The following GLRA1 variants were observed in gnomAD, a reference collection of about 807,000 sequenced individuals.
GLRA1 encodes glycine receptor alpha 1.
GLRA1 carries 37 observed loss-of-function variants against 48.3 expected under a neutral mutation model. The ratio of observed to expected loss-of-function variants is 0.77; its 90% confidence interval spans 0.59 to 1.01. GLRA1 has a LOEUF of 1.01. Among genes scored for constraint, GLRA1 ranks in the 50% least tolerant of loss-of-function variants. The pLI, the probability that GLRA1 is intolerant of heterozygous loss-of-function variation, is 0.00. For missense variants in GLRA1, 427 were observed against 571.0 expected (o/e 0.75, Z 2.57); for synonymous variants, 196 against 210.7 (o/e 0.93, Z 0.60).
intron 8 of GLRA1, among the ~76,000 whole-genome samples, chr5:151,826,738 T>G (rs1763279661): frequency 6.6e-6 from 1 of 152,156 alleles, no homozygotes; most frequent in Non-Finnish European, 1.5e-5. Flanking sequence ...TGGTAGATAC[T>G]TAGGGAGCGT....
chr5:151,862,394 C>T (rs548779538), intron 3 of GLRA1, among the ~76,000 whole-genome samples: 2 of 152,330 alleles, frequency 1.3e-5, no homozygotes, highest in Non-Finnish European at 2.9e-5. Context: ...GTCTAAAACA[C>T]CAAAAGCAAT....
At position 151,892,414 on chromosome 5, in the gene GLRA1, T is replaced by C; in HGVS notation, c.81A>G (p.Glu27=). The change falls in exon 2 of 9, where the codon GAA becomes GAG. Residue 27 remains glutamate, a synonymous_variant. Transcript: ENST00000274576. ...TAGGCTTGGGTGCGGAGCGAGCAGC[T>C]TCAGCCTCCTTAGAAGCAGCAAGGC... The part of the protein sequence containing the change: ...FFSLAASKEA[E]AARSAPKPMS... 2 of 1,614,066 alleles carry C rather than the reference T, an allele frequency of 1.2e-6. No homozygotes were observed. The highest frequency in any genetic ancestry group is 1.7e-6 in the Non-Finnish European group (2 of 1,179,956).
In GLRA1 at chr5:151,844,621, C is replaced by CAAAAAAA. The variant is rs202218874; in HGVS notation, c.912+6762_912+6768dup. Reference sequence around the variant, plus strand: ...TGGGTGACAGAGTAGTACTCTATCTCAAAAAAAAAAAAAAAAAAAAGAAAA... The same window carrying CAAAAAAA: ...TGGGTGACAGAGTAGTACTCTATCTCAAAAAAAAAAAAAAAAAAAAAAAAAAAGAAAA... On this transcript the variant is annotated intron_variant, in intron 7 of 8. Transcript: ENST00000274576. Among the ~76,000 whole-genome samples the CAAAAAAA allele has an allele frequency of 2.7e-3, 134 of 49,462 alleles. 1 individual carries two copies. Among genetic ancestry groups the CAAAAAAA allele is most frequent in the South Asian group, 4.4e-3 (4 of 918 alleles). 32.4% of individuals were successfully genotyped at this position (49,462 alleles called of 152,430 possible).
At chr5:151,848,923 T>C in intron 7 of GLRA1, 4 of 702,292 alleles carry the variant, frequency 5.7e-6, no homozygotes, top group Non-Finnish European at 1.1e-5. Context: ...ACAAAGGTAT[T>C]AAGCAGGTGT....
chr5:151,914,435 T>C (rs1754690226), intron 1 of GLRA1, among the ~76,000 whole-genome samples: 1 of 152,204 alleles, frequency 6.6e-6, no homozygotes, highest in South Asian at 2.1e-4. Context: ...AGACCTTTAG[T>C]GCTTGAGGTG....
intron 2 of GLRA1, among the ~76,000 whole-genome samples, 188 bp from the exon 3 acceptor site, chr5:151,886,976 C>T (rs1392256105): frequency 6.6e-6 from 1 of 152,180 alleles, no homozygotes. Context: ...TGCCAGACTT[C>T]CTGGTCCCCA....
intron 7 of GLRA1, among the ~76,000 whole-genome samples, chr5:151,842,290 C>T (rs1220241855): frequency 6.6e-6 from 1 of 151,542 alleles, no homozygotes; most frequent in Admixed American, 6.6e-5. Flanking sequence ...GATAACAACA[C>T]CAAAGACATC....
chr5:151,883,719 TACTC>T (rs1236277859), intron 3 of GLRA1, among the ~76,000 whole-genome samples: 10 of 152,260 alleles, frequency 6.6e-5, no homozygotes, highest in Admixed American at 5.9e-4. Context: ...TATCTCTTAA[TACTC>T]ACAGCAGGCC....
At position 151,924,713 on chromosome 5, in the gene GLRA1, G is replaced by A. The variant is rs529450119; in HGVS notation, c.-164C>T. On this transcript the variant is annotated 5_prime_UTR_variant, in exon 1 of 9. Coordinates refer to ENST00000274576, the MANE Select transcript of GLRA1 (RefSeq NM_000171.4). ...AGAGCCCCAGGGGAAATTGGAGCGA[G>A]GGGGTCGTAGATACCACGGACAGCG... 6.7e-4 allele frequency: 462 copies of A among 692,488 alleles called. 1 individual carries two copies. The highest frequency in any genetic ancestry group is 4.0e-3 in the African/African-American group (227 of 56,766). 42.9% of individuals were successfully genotyped at this position (692,488 alleles called of 1,614,324 possible).
In GLRA1 at chr5:151,828,986, C is replaced by T. The variant is rs1468001309; in HGVS notation, c.994G>A (p.Val332Ile). The T allele has an allele frequency of 6.2e-6, 10 of 1,613,974 alleles. No homozygotes were observed. Among genetic ancestry groups the T allele is most frequent in the East Asian group, 2.2e-5 (1 of 44,896 alleles). Reference protein sequence around the residue: ...VFSALLEYAAVNFVSRQHKEL... With the variant: ...VFSALLEYAAINFVSRQHKEL... ...TTATGTTGCCGAGACACAAAGTTAACGGCAGCATATTCTAATAGGGCTGAG... is the reference window on the plus strand; with the variant it reads ...TTATGTTGCCGAGACACAAAGTTAATGGCAGCATATTCTAATAGGGCTGAG... The change falls in exon 8 of 9, where the codon GTT becomes ATT. Residue 332 changes from valine (V) to isoleucine (I), a missense_variant. By Grantham distance (29) the Val-to-Ile change is conservative. Coordinates refer to ENST00000274576, the MANE Select transcript of GLRA1 (RefSeq NM_000171.4).
chr5:151,852,086 T>G (rs1752927722), intron 6 of GLRA1, among the ~76,000 whole-genome samples: 1 of 152,130 alleles, frequency 6.6e-6, no homozygotes, highest in African/African-American at 2.4e-5. Flanking sequence ...CAGTTCCCAT[T>G]ACCTACAGGA....
intron 2 of GLRA1, among the ~76,000 whole-genome samples, chr5:151,889,654 TA>T (rs373189309): frequency 7.9e-5 from 12 of 152,298 alleles, no homozygotes; most frequent in African/African-American, 2.9e-4. Context: ...GTAGAGGTTT[TA>T]AACAATGCAG....
chr5:151,865,283 A>G (rs1458057603), intron 3 of GLRA1, among the ~76,000 whole-genome samples: 3 of 152,222 alleles, frequency 2.0e-5, no homozygotes, highest in Non-Finnish European at 4.4e-5. Flanking sequence ...TAGGGAATAT[A>G]GAAGACAGGT....
chr5:151,847,888 A>G (rs1752720556), intron 7 of GLRA1, among the ~76,000 whole-genome samples: 1 of 152,172 alleles, frequency 6.6e-6, no homozygotes, highest in South Asian at 2.1e-4. Flanking sequence ...GGTGAATGGA[A>G]CAGAATGTTG....
chr5:151,884,427 T>TCCAAAACAAAACAAAA (rs1554085718), intron 3 of GLRA1, among the ~76,000 whole-genome samples: 1 of 148,708 alleles, frequency 6.7e-6, no homozygotes, highest in Non-Finnish European at 1.5e-5. Flanking sequence ...AAACTCTGTC[T>TCCAAAACAAAACAAAA]CAAAACAAAA....
chr5:151,881,882 C>A (rs1753773039), intron 3 of GLRA1, among the ~76,000 whole-genome samples: 1 of 152,266 alleles, frequency 6.6e-6, no homozygotes, highest in African/African-American at 2.4e-5. Flanking sequence ...AGCTGCTATG[C>A]ACTCCTGCTT....
At chr5:151,900,431 TTTC>T (rs1359563393) in intron 1 of GLRA1, among the ~76,000 whole-genome samples, 1 of 152,238 alleles carries the variant, frequency 6.6e-6, no homozygotes, top group African/African-American at 2.4e-5. Flanking sequence ...CTTTTTTGTT[TTTC>T]TTGTTTGGTG....
chr5:151,843,590 A>G (rs566249334), intron 7 of GLRA1, among the ~76,000 whole-genome samples: 41 of 152,168 alleles, frequency 2.7e-4, no homozygotes, highest in African/African-American at 9.9e-4. Context: ...TTTGTGTTCA[A>G]ATGAAAAAGA....
rs1010413880 is a variant in GLRA1, at chr5:151,850,023, T to G, written c.912+1367A>C. 28 of 1,603,382 alleles carry G rather than the reference T, an allele frequency of 1.7e-5. No individual in the cohort carries two copies. In the Admixed American group the frequency reaches 3.7e-4, roughly 21 times the overall value. ...CTGCAGTGACCAATTTGAGGCACAC[T>G]TGTAAGTGGATAATGGACATGGTGA... On this transcript the variant is annotated intron_variant, in intron 7 of 8. Transcript: ENST00000274576.
Sources: gnomAD v4.1 joint callset for allele counts (sites outside exome capture counted in the v4.1 genomes callset) on GRCh38, gnomAD v4.1.1 for gene constraint, MANE v1.5 for transcripts, NCBI Gene and HGNC (gene_info 2026-07-23, HGNC 2026-07-21) for gene names.